MICAL3: variants seen among roughly 807,000 people sequenced by gnomAD.
MICAL3 encodes the protein [F-actin]-monooxygenase MICAL3.
A neutral mutation model predicts 207.4 loss-of-function variants in MICAL3; 62 were observed. That is an observed-to-expected ratio of 0.30 (90% CI 0.24 to 0.37). MICAL3 has a LOEUF of 0.37. MICAL3 is among the 10% of genes least tolerant of loss of function. The pLI, the probability that MICAL3 is intolerant of heterozygous loss-of-function variation, is 1.00. For missense variants in MICAL3, 2,368 were observed against 2,635.6 expected, an observed-to-expected ratio of 0.90 and a Z score of 2.22; for synonymous variants, 1,077 against 1,069.3, an observed-to-expected ratio of 1.01 and a Z score of -0.14.
At position 17,906,803 on chromosome 22, in the gene MICAL3, T is replaced by C; in HGVS notation, c.10A>G (p.Arg4Gly). Residue 4 changes from arginine (R) to glycine (G), a missense_variant, in exon 2 of 32, where the codon AGG becomes GGG. This residue lies in a region of MICAL3 where 400 missense variants were observed against 547.0 expected (regional missense o/e 0.73). Coordinates refer to ENST00000441493, the MANE Select transcript of MICAL3 (RefSeq NM_015241.3). Reference sequence around the variant, plus strand: ...GCTGGGTTCATGGTCTCATGCTTCCTCTCCTCCATGCTGCCTCACTCTCAG... The same window carrying C: ...GCTGGGTTCATGGTCTCATGCTTCCCCTCCTCCATGCTGCCTCACTCTCAG... MEE[R>G]KHETMNPAHV... 6.2e-7 allele frequency: 1 copy of C among 1,604,076 alleles called. No homozygotes were observed. Among genetic ancestry groups the C allele is most frequent in the Non-Finnish European group, 8.5e-7 (1 of 1,173,912 alleles).
intron 1 of MICAL3, among the ~76,000 whole-genome samples, chr22:17,959,507 G>T (rs1008159013): frequency 6.6e-6 from 1 of 151,996 alleles, no homozygotes; most frequent in African/African-American, 2.4e-5. Flanking sequence ...TAGAGACACG[G>T]TTTCACCATG....
intron 1 of MICAL3, among the ~76,000 whole-genome samples, chr22:17,912,401 A>G (rs528179311): frequency 6.6e-6 from 1 of 151,222 alleles, no homozygotes; most frequent in East Asian, 1.9e-4. Context: ...GGATTTTGAT[A>G]GGGATTACAC....
chr22:17,933,331 A>G (rs1271727804), intron 1 of MICAL3, among the ~76,000 whole-genome samples: 1 of 152,190 alleles, frequency 6.6e-6, no homozygotes, highest in African/African-American at 2.4e-5. Flanking sequence ...TCAAAACCAC[A>G]CAACTACATG....
intron 16 of MICAL3, chr22:17,875,479 G>T (rs1022885823): frequency 1.3e-6 from 2 of 1,556,844 alleles, no homozygotes; most frequent in East Asian, 2.4e-5. Flanking sequence ...GGAGAGGCGG[G>T]GCGGGCAGAG....
intron 22 of MICAL3, among the ~76,000 whole-genome samples, chr22:17,824,983 G>A (rs1256548327): frequency 6.6e-6 from 1 of 152,222 alleles, no homozygotes; most frequent in Non-Finnish European, 1.5e-5. Flanking sequence ...GTGCCTGACA[G>A]ATTTGTTGGG....
chr22:17,841,770 A>C lies in MICAL3; in HGVS notation c.2801+52T>G, dbSNP rs1175871748. 2.0e-6 allele frequency: 3 copies of C among 1,517,582 alleles called. No individual in the cohort carries two copies. The East Asian group carries it at 7.4e-5, about 37-fold the overall frequency. 94.0% of individuals were successfully genotyped at this position (1,517,582 alleles called of 1,614,324 possible). On this transcript the variant is annotated intron_variant, in intron 20 of 31. Transcript: ENST00000441493. The surrounding 1 kb of genome is among the most constrained non-coding windows in gnomAD (Gnocchi z 4.2). ...GAAACCGAGACACACAGAGGTGAGG[A>C]GGCTCTTAGGGCCGTGTGGCGGGTG...
chr22:17,924,222 C>A (rs1459265651), intron 1 of MICAL3, among the ~76,000 whole-genome samples: 1 of 152,124 alleles, frequency 6.6e-6, no homozygotes, highest in Non-Finnish European at 1.5e-5. Flanking sequence ...TATGGGAAGG[C>A]CACCAAAGGA....
chr22:17,815,234 G>C (rs1398975783), intron 27 of MICAL3: 2 of 152,314 alleles, frequency 1.3e-5, no homozygotes, highest in Non-Finnish European at 2.9e-5. Flanking sequence ...TGTATCTGCT[G>C]GGCCCTGGGG....
At chr22:17,958,905 C>G (rs1447019435) in intron 1 of MICAL3, among the ~76,000 whole-genome samples, 2 of 151,208 alleles carry the variant, frequency 1.3e-5, no homozygotes, top group Admixed American at 6.6e-5. Flanking sequence ...AGGGTTTCAT[C>G]ATGTTGGCCA....
At chr22:18,003,544 G>A (rs114102621) in intron 1 of MICAL3, among the ~76,000 whole-genome samples, 358 of 152,214 alleles carry the variant, frequency 2.4e-3, no homozygotes, top group African/African-American at 8.3e-3. Flanking sequence ...ACCACACATG[G>A]CCAATTGTGC....
At chr22:17,965,124 T>A (rs1935085968) in intron 1 of MICAL3, among the ~76,000 whole-genome samples, 1 of 147,538 alleles carries the variant, frequency 6.8e-6, no homozygotes, top group South Asian at 2.1e-4. Flanking sequence ...TCCTTCCCCT[T>A]CTATTTAAAA....
chr22:17,799,986 G>A (rs1009195923), intron 29 of MICAL3, among the ~76,000 whole-genome samples: 5 of 143,450 alleles, frequency 3.5e-5, no homozygotes, highest in Non-Finnish European at 6.0e-5. Flanking sequence ...ACACACACGC[G>A]TTGGGAAACC....
chr22:17,819,058 A>G lies in MICAL3; in HGVS notation c.3603T>C (p.Pro1201=), dbSNP rs374948398. ...CTTTGGGCTTCTCTTTGGGGAGCAA[A>G]GGCTCAGGGAAAAGGCGCTCCTCAG... ...KSPEERLFPE[P]LLPKEKPKAD... is the part of the protein sequence containing the mutation. The change falls in exon 26 of 32, where the codon CCT becomes CCC. Residue 1201 remains proline (P), a synonymous_variant. Coordinates refer to ENST00000441493, the MANE Select transcript of MICAL3 (RefSeq NM_015241.3). The G allele has an allele frequency of 6.4e-7, 1 of 1,573,220 alleles. No homozygotes were observed. The highest frequency in any genetic ancestry group is 1.4e-5 in the African/African-American group (1 of 73,528).
At chr22:17,863,372 A>G in intron 19 of MICAL3, 1 of 985,354 alleles carries the variant, frequency 1.0e-6, no homozygotes, top group Non-Finnish European at 1.2e-6. Flanking sequence ...TGCTCTCTCC[A>G]ACTGAATGTA....
Position 17,891,650 on chromosome 22 carries a change from A to G in MICAL3, c.1547-18T>C, listed in dbSNP as rs764279076. ...TACAGACTCTAAAACAACAAAACACAGTATTATTGGAGGTGTGGTCACCTG... is the reference window on the plus strand; with the variant it reads ...TACAGACTCTAAAACAACAAAACACGGTATTATTGGAGGTGTGGTCACCTG... On this transcript the variant is annotated intron_variant, in intron 11 of 31. Coordinates refer to ENST00000441493, the MANE Select transcript of MICAL3 (RefSeq NM_015241.3). 28 of 1,612,574 alleles carry G rather than the reference A, an allele frequency of 1.7e-5. No individual in the cohort carries two copies. In the Admixed American group the frequency reaches 4.5e-4, roughly 26 times the overall value.
chr22:17,949,215 T>C (rs1367098339), intron 1 of MICAL3, among the ~76,000 whole-genome samples: 1 of 151,866 alleles, frequency 6.6e-6, no homozygotes, highest in African/African-American at 2.4e-5. Flanking sequence ...ATCTCGAAAA[T>C]AAATAAATAA....
Position 17,896,299 on chromosome 22 carries a change from C to A in MICAL3, c.1269G>T (p.Trp423Cys). The A allele has an allele frequency of 1.3e-6, 2 of 1,561,778 alleles. No homozygotes were observed. The highest frequency in any genetic ancestry group is 1.7e-6 in the Non-Finnish European group (2 of 1,152,534). Residue 423 changes from tryptophan (W) to cysteine (C), a missense_variant, in exon 9 of 32, where the codon TGG (tryptophan) becomes TGT (cysteine). Transcript: ENST00000441493. ...TTCCTAGAGACCAACTTCGGACCATCCAGGCAGAGTCCATAGCAGCTAGAA... is the reference window on the plus strand; with the variant it reads ...TTCCTAGAGACCAACTTCGGACCATACAGGCAGAGTCCATAGCAGCTAGAA... ...RGFLAAMDSA[W>C]MVRSWSLGTS...
chr22:17,873,487 GTC>G (rs1475584550), intron 16 of MICAL3, among the ~76,000 whole-genome samples: 1 of 152,244 alleles, frequency 6.6e-6, no homozygotes, highest in Non-Finnish European at 1.5e-5. Flanking sequence ...GTTATTGGGG[GTC>G]TGAGGGCAGC....
intron 20 of MICAL3, 73 bp from the exon 21 acceptor site, chr22:17,832,180 C>A (rs978019784): frequency 6.6e-6 from 10 of 1,511,566 alleles, no homozygotes; most frequent in Admixed American, 2.0e-5. Flanking sequence ...GAAGGGCCAC[C>A]ATCAGAAACA....
Sources: allele counts gnomAD v4.1 joint callset (sites outside exome capture counted in the v4.1 genomes callset), GRCh38; gene constraint gnomAD v4.1.1; regional missense constraint gnomAD v4.1.1; non-coding constraint Gnocchi (gnomAD v3.1); transcripts MANE v1.5; gene names NCBI Gene and HGNC (gene_info 2026-07-23, HGNC 2026-07-21).